Variants in CFAP299 observed in about 807,000 individuals in gnomAD.
The protein encoded by CFAP299 is cilia and flagella associated protein 299.
A neutral mutation model predicts 27.0 loss-of-function variants in CFAP299; 21 were observed. That is an observed-to-expected ratio of 0.78 (90% CI 0.55 to 1.12). CFAP299 has a LOEUF of 1.12. CFAP299 is among the 50% of genes most tolerant of loss of function. The probability of loss-of-function intolerance (pLI) is 0.00; values close to 1 mark genes in which losing one functional copy is unlikely to be tolerated. For missense variants in CFAP299, 310 were observed against 276.6 expected, an observed-to-expected ratio of 1.12 and a Z score of -0.86; for synonymous variants, 104 against 98.1, an observed-to-expected ratio of 1.06 and a Z score of -0.36.
chr4:80,802,699 G>T (rs1048807261), intron 3 of CFAP299, among the ~76,000 whole-genome samples: 2 of 151,998 alleles, frequency 1.3e-5, no homozygotes, highest in African/African-American at 4.8e-5. Flanking sequence ...TAATTTGAAA[G>T]AGAGTATTTG....
intron 3 of CFAP299, among the ~76,000 whole-genome samples, chr4:80,656,131 T>G (rs1577980871): frequency 6.6e-6 from 1 of 152,308 alleles, no homozygotes; most frequent in East Asian, 1.9e-4. Flanking sequence ...TTGTTCATTT[T>G]TAAGTCATTT....
chr4:80,742,342 C>A (rs1239278519), intron 3 of CFAP299, among the ~76,000 whole-genome samples: 2 of 152,106 alleles, frequency 1.3e-5, no homozygotes, highest in African/African-American at 4.8e-5. Flanking sequence ...GATACTATTA[C>A]CTAATAAAAG....
At chr4:80,442,430 A>G (rs1728403750) in intron 2 of CFAP299, among the ~76,000 whole-genome samples, 3 of 152,354 alleles carry the variant, frequency 2.0e-5, no homozygotes, top group Admixed American at 2.0e-4. Context: ...CTACATGGAA[A>G]CTGAACAACC....
rs564930715 is a variant in CFAP299 at position 80,528,321 on chromosome 4, G to GA, written c.243-54764dup. 1.9e-3 allele frequency among the ~76,000 whole-genome samples: 281 copies of GA among 151,218 alleles called. 2 individuals are homozygous for GA. Among genetic ancestry groups the GA allele is most frequent in the Middle Eastern group, 6.8e-3 (2 of 292 alleles). On this transcript the variant is annotated intron_variant, in intron 2 of 5. Transcript: ENST00000358105. ...ATGCTCATGCCTCTTTGTTTGAAAA[G>GA]AAAAAAAAGGCAAAGTTTTTTCCTG...
At chr4:80,714,638 G>A (rs114768480) in intron 3 of CFAP299, among the ~76,000 whole-genome samples, 1,661 of 152,070 alleles carry the variant, frequency 0.011, 23 homozygotes, top group African/African-American at 0.037. Flanking sequence ...TCAAGAAAAC[G>A]CTCTCCTTTA....
chr4:80,550,422 C>A (rs1734442423), intron 2 of CFAP299, among the ~76,000 whole-genome samples: 1 of 152,028 alleles, frequency 6.6e-6, no homozygotes, highest in Non-Finnish European at 1.5e-5. Flanking sequence ...TATTTAAATA[C>A]ACCTTTATCT....
chr4:80,962,215 T>A (rs905721404), intron 5 of CFAP299, among the ~76,000 whole-genome samples: 37 of 151,992 alleles, frequency 2.4e-4, no homozygotes, highest in African/African-American at 8.2e-4. Context: ...ATAACTCTCA[T>A]GCAGCTATAA....
At chr4:80,470,583 C>G (rs1221474001) in intron 2 of CFAP299, among the ~76,000 whole-genome samples, 1 of 152,040 alleles carries the variant, frequency 6.6e-6, no homozygotes, top group East Asian at 1.9e-4. Context: ...TTTTTATTTT[C>G]TTCGACTTCA....
Position 80,365,158 on chromosome 4 carries a change from C to T in CFAP299, c.242+2274C>T, listed in dbSNP as rs144015277. ...ACTGGGTCAAATGCTATTTCTGTCT[C>T]TAGGTCTTTGAAGAATTGGCAAACA... On this transcript the variant is annotated intron_variant, in intron 2 of 5. Coordinates refer to ENST00000358105, the MANE Select transcript of CFAP299 (RefSeq NM_152770.3). 8.5e-5 allele frequency among the ~76,000 whole-genome samples: 13 copies of T among 152,266 alleles called. No individual in the cohort carries two copies. In the East Asian group the frequency reaches 1.4e-3, roughly 16 times the overall value.
At chr4:80,586,042 G>T (rs1736418971) in intron 3 of CFAP299, among the ~76,000 whole-genome samples, 1 of 152,052 alleles carries the variant, frequency 6.6e-6, no homozygotes, top group East Asian at 1.9e-4. Context: ...TTAAAAAACA[G>T]ATTTTTGAGG....
chr4:80,780,694 C>T lies in CFAP299; in HGVS notation c.334-89299C>T, dbSNP rs188400434. Among the ~76,000 whole-genome samples the T allele has an allele frequency of 1.8e-3, 266 of 151,884 alleles. 1 individual carries two copies. The highest frequency in any genetic ancestry group is 3.2e-3 in the Non-Finnish European group (216 of 67,894). On this transcript the variant is annotated intron_variant, in intron 3 of 5. Coordinates refer to ENST00000358105, the MANE Select transcript of CFAP299 (RefSeq NM_152770.3). ...TCTGACTATATACATAGGACTATTG[C>T]TAATGACATGCAAATAGAAATTATA...
chr4:80,726,377 T>G (rs906169340), intron 3 of CFAP299, among the ~76,000 whole-genome samples: 1 of 152,146 alleles, frequency 6.6e-6, no homozygotes, highest in South Asian at 2.1e-4. Flanking sequence ...AAGTAGTCAT[T>G]GATACTTGTT....
chr4:80,334,604 TCTC>T (rs1722052278), upstream of CFAP299, among the ~76,000 whole-genome samples: 1 of 152,176 alleles, frequency 6.6e-6, no homozygotes, highest in South Asian at 2.1e-4. Flanking sequence ...CAAGGTTTTA[TCTC>T]CTTTTTGTTT....
At chr4:80,642,414 A>G (rs1439781014) in intron 3 of CFAP299, among the ~76,000 whole-genome samples, 2 of 152,186 alleles carry the variant, frequency 1.3e-5, no homozygotes, top group Non-Finnish European at 2.9e-5. Context: ...AATTAATAAG[A>G]ATTTCTGGGA....
chr4:80,751,726 G>T (rs369238394), intron 3 of CFAP299, among the ~76,000 whole-genome samples: 1 of 152,144 alleles, frequency 6.6e-6, no homozygotes. Context: ...CAGAGACTGT[G>T]GCCCCCTCCC....
chr4:80,464,125 A>G (rs1729595415), intron 2 of CFAP299, among the ~76,000 whole-genome samples: 1 of 152,126 alleles, frequency 6.6e-6, no homozygotes, highest in Admixed American at 6.6e-5. Context: ...AAGAACTTCT[A>G]TGCCAAGTTT....
intron 3 of CFAP299, among the ~76,000 whole-genome samples, chr4:80,796,715 G>T (rs936587268): frequency 6.6e-6 from 1 of 152,112 alleles, no homozygotes; most frequent in Non-Finnish European, 1.5e-5. Flanking sequence ...ATGGGGATGT[G>T]GTGGGAGTCA....
intron 2 of CFAP299, among the ~76,000 whole-genome samples, chr4:80,543,523 A>C (rs894729432): frequency 2.6e-5 from 4 of 152,256 alleles, no homozygotes; most frequent in Non-Finnish European, 5.9e-5. Flanking sequence ...GAAGTTAGGG[A>C]AATTAGAAAT....
At chr4:80,737,685 A>T (rs1275973557) in intron 3 of CFAP299, among the ~76,000 whole-genome samples, 4 of 151,946 alleles carry the variant, frequency 2.6e-5, no homozygotes, top group African/African-American at 7.3e-5. Context: ...CTTAGTCTGG[A>T]TGAAGGTTTA....
Sources: gnomAD v4.1 joint callset for allele counts (sites outside exome capture counted in the v4.1 genomes callset) on GRCh38, gnomAD v4.1.1 for gene constraint, MANE v1.5 for transcripts, NCBI Gene and HGNC (gene_info 2026-07-23, HGNC 2026-07-21) for gene names.